CPED1: variants seen among roughly 807,000 people sequenced by gnomAD.
CPED1 encodes the protein cadherin like and PC-esterase domain containing 1.
CPED1 carries 114 observed loss-of-function variants against 128.2 expected under a neutral mutation model. The observed-to-expected ratio is 0.89, with a 90% confidence interval of 0.76 to 1.04. The LOEUF is 1.04. Among genes scored for constraint, CPED1 ranks in the 50% least tolerant of loss-of-function variants. CPED1 has a pLI of 0.00. For missense variants in CPED1, 1,211 were observed against 1,207.1 expected (o/e 1.00, Z -0.05); for synonymous variants, 462 against 426.7 (o/e 1.08, Z -1.02).
chr7:121,238,998 T>C (rs1282617672), intron 17 of CPED1, among the ~76,000 whole-genome samples: 1 of 152,132 alleles, frequency 6.6e-6, no homozygotes, highest in Non-Finnish European at 1.5e-5. Flanking sequence ...TGCTCCATCC[T>C]CAAGCTCCAA....
rs971417682 is a variant in CPED1, at chr7:121,234,547, T to G, written c.2056-2167T>G. Among the ~76,000 whole-genome samples, 7 of 152,066 alleles carry G rather than the reference T, an allele frequency of 4.6e-5. No individual in the cohort carries two copies. The South Asian group carries it at 1.2e-3, about 27-fold the overall frequency. ...AGTCTCCAGCTGAGGTGGTGAAAGT[T>G]GTTTATAATATTTCAAACTAAGATT... On this transcript the variant is annotated intron_variant, in intron 16 of 22. Coordinates refer to ENST00000310396, the MANE Select transcript of CPED1 (RefSeq NM_024913.5).
chr7:121,087,300 T>C (rs755375918), intron 5 of CPED1, among the ~76,000 whole-genome samples: 3 of 152,216 alleles, frequency 2.0e-5, no homozygotes, highest in Non-Finnish European at 4.4e-5. Context: ...TCTAGCTCAC[T>C]AAAACACTAT....
chr7:121,002,671 T>TAA (rs59548965), intron 2 of CPED1, among the ~76,000 whole-genome samples: 1 of 151,972 alleles, frequency 6.6e-6, no homozygotes, highest in East Asian at 1.9e-4. Context: ...ATGTTTCTTT[T>TAA]AAAAAAACAA....
At chr7:121,193,362 C>T (rs999120991) in intron 16 of CPED1, among the ~76,000 whole-genome samples, 2 of 152,096 alleles carry the variant, frequency 1.3e-5, no homozygotes, top group African/African-American at 4.8e-5. Flanking sequence ...TTTGAACAAT[C>T]TGGGTTACTT....
At chr7:121,020,399 A>G (rs1554422640) in intron 3 of CPED1, among the ~76,000 whole-genome samples, 1 of 151,988 alleles carries the variant, frequency 6.6e-6, no homozygotes, top group Non-Finnish European at 1.5e-5. Context: ...CTTTGGCAGC[A>G]TTTGTTTTAC....
intron 22 of CPED1, 26 bp downstream of exon 22, chr7:121,271,456 T>C (rs1386810308): frequency 1.2e-6 from 2 of 1,601,234 alleles, no homozygotes; most frequent in South Asian, 2.2e-5. Context: ...ATCTGAGTTT[T>C]ATAGCTTTTG....
chr7:121,199,673 C>CAAAAAAAAAAAAAAAAAAAAA (rs1160203035), intron 16 of CPED1, among the ~76,000 whole-genome samples: 2 of 86,942 alleles, frequency 2.3e-5, no homozygotes, highest in African/African-American at 9.2e-5. Context: ...GAGACTCCAT[C>CAAAAAAAAAAAAAAAAAAAAA]AAAAAAAAAA....
At chr7:121,242,387 TA>T (rs1798417682) in intron 17 of CPED1, among the ~76,000 whole-genome samples, 1 of 152,320 alleles carries the variant, frequency 6.6e-6, no homozygotes, top group African/African-American at 2.4e-5. Flanking sequence ...AATATGTTGA[TA>T]AATTAAAGTT....
intron 16 of CPED1, among the ~76,000 whole-genome samples, chr7:121,177,125 C>G (rs1473322397): frequency 6.6e-6 from 1 of 152,068 alleles, no homozygotes; most frequent in Non-Finnish European, 1.5e-5. Flanking sequence ...GAAGGTACCA[C>G]TGAGATTTAG....
chr7:121,077,782 A>AT (rs750091521), intron 5 of CPED1, among the ~76,000 whole-genome samples: 2 of 151,628 alleles, frequency 1.3e-5, no homozygotes. Flanking sequence ...AAACATACTA[A>AT]TTTTTTTAAA....
chr7:121,232,647 C>A (rs1315675144), intron 16 of CPED1, among the ~76,000 whole-genome samples: 2 of 152,226 alleles, frequency 1.3e-5, no homozygotes, highest in African/African-American at 2.4e-5. Flanking sequence ...GAACTCCCTG[C>A]CTTCCCAGAG....
intron 7 of CPED1, among the ~76,000 whole-genome samples, chr7:121,118,496 G>A (rs1795306503): frequency 6.6e-6 from 1 of 151,118 alleles, no homozygotes; most frequent in South Asian, 2.1e-4. Context: ...GGAGTCAGAG[G>A]TTGCAGTGAG....
At chr7:121,234,334 G>A (rs1798205676) in intron 16 of CPED1, among the ~76,000 whole-genome samples, 2 of 151,970 alleles carry the variant, frequency 1.3e-5, no homozygotes, top group Non-Finnish European at 2.9e-5. Flanking sequence ...GTTCATGAAT[G>A]TTGAAACATT....
chr7:121,233,558 A>G (rs1288744259), intron 16 of CPED1, among the ~76,000 whole-genome samples: 1 of 152,060 alleles, frequency 6.6e-6, no homozygotes, highest in Non-Finnish European at 1.5e-5. Flanking sequence ...CAAAACAACA[A>G]CAATACTGTT....
At chr7:121,059,539 A>T (rs757846605) in intron 4 of CPED1, among the ~76,000 whole-genome samples, 7 of 152,194 alleles carry the variant, frequency 4.6e-5, no homozygotes, top group South Asian at 4.1e-4. Context: ...CAGGAACAAT[A>T]AAAAAAATCA....
intron 3 of CPED1, among the ~76,000 whole-genome samples, chr7:121,042,551 T>G (rs1793085193): frequency 6.6e-6 from 1 of 152,330 alleles, no homozygotes; most frequent in African/African-American, 2.4e-5. Context: ...TCTTTGTTGC[T>G]TCCCTGTTTT....
At position 121,002,587 on chromosome 7, in the gene CPED1, G is replaced by A. The variant is rs559509118; in HGVS notation, c.249+12717G>A. On this transcript the variant is annotated intron_variant, in intron 2 of 22. Coordinates refer to ENST00000310396, the MANE Select transcript of CPED1 (RefSeq NM_024913.5). ...AACTACATAAGCTATTTTAAAAGCAGATAGGTTTGAGGCAGAGTTAGTTTT... is the reference window on the plus strand; with the variant it reads ...AACTACATAAGCTATTTTAAAAGCAAATAGGTTTGAGGCAGAGTTAGTTTT... Among the ~76,000 whole-genome samples, 8 of 152,284 alleles carry A rather than the reference G, an allele frequency of 5.3e-5. No individual in the cohort carries two copies. In the South Asian group the frequency reaches 1.7e-3, roughly 32 times the overall value.
chr7:121,018,147 A>T (rs1317731132), intron 3 of CPED1, among the ~76,000 whole-genome samples: 5 of 152,158 alleles, frequency 3.3e-5, no homozygotes, highest in African/African-American at 9.6e-5. Context: ...AATTTTTTTT[A>T]AAAAAGAGTT....
chr7:121,087,317 C>T (rs1794449069), intron 5 of CPED1, among the ~76,000 whole-genome samples: 2 of 152,106 alleles, frequency 1.3e-5, no homozygotes, highest in South Asian at 4.1e-4. Context: ...CTATCCTGCC[C>T]AACATCTCTC....
Sources: gnomAD v4.1 joint callset for allele counts (sites outside exome capture counted in the v4.1 genomes callset) on GRCh38, gnomAD v4.1.1 for gene constraint, MANE v1.5 for transcripts, NCBI Gene and HGNC (gene_info 2026-07-23, HGNC 2026-07-21) for gene names.